Variants in TATDN2 observed in about 807,000 individuals in gnomAD.
The protein encoded by TATDN2 is 3'-5' RNA nuclease TATDN2.
In TATDN2, 44 loss-of-function variants were observed where a neutral mutation model predicts 60.3. The observed-to-expected ratio is 0.73, with a 90% CI of 0.57 to 0.94. TATDN2 has a LOEUF of 0.94. Ranked by LOEUF, TATDN2 falls within the 40% of genes least tolerant of loss-of-function variation. The probability of loss-of-function intolerance (pLI) is 0.00; values close to 1 mark genes in which losing one functional copy is unlikely to be tolerated. For synonymous variants in TATDN2, 399 were observed against 355.8 expected, an observed-to-expected ratio of 1.12 and a Z score of -1.37; for missense variants, 997 against 948.0, an observed-to-expected ratio of 1.05 and a Z score of -0.68.
chr3:10,269,695 T>C (rs779507785), intron 3 of TATDN2, among the ~76,000 whole-genome samples: 20 of 152,082 alleles, frequency 1.3e-4, no homozygotes, highest in Non-Finnish European at 2.4e-4. Flanking sequence ...AGCAAGACCC[T>C]GTCTGAAAAA....
intron 3 of TATDN2, among the ~76,000 whole-genome samples, chr3:10,265,427 A>G (rs1477301782): frequency 6.6e-6 from 1 of 150,544 alleles, no homozygotes; most frequent in Non-Finnish European, 1.5e-5. Flanking sequence ...CATGCCTGTA[A>G]TCCCAGCACT....
chr3:10,249,680 G>A, intron 2 of TATDN2, 66 bp downstream of exon 2: 3 of 1,458,128 alleles, frequency 2.1e-6, no homozygotes, highest in Non-Finnish European at 2.7e-6. Context: ...GTTGGGGATG[G>A]GAATTTTGGT....
chr3:10,269,611 G>A (rs1698527815), intron 3 of TATDN2, among the ~76,000 whole-genome samples: 1 of 152,096 alleles, frequency 6.6e-6, no homozygotes, highest in Admixed American at 6.5e-5. Context: ...TGAGGCAAGA[G>A]GATTACTTGA....
At chr3:10,266,492 C>T (rs760256497) in intron 3 of TATDN2, among the ~76,000 whole-genome samples, 2 of 152,244 alleles carry the variant, frequency 1.3e-5, no homozygotes, top group Non-Finnish European at 2.9e-5. Context: ...CCCTGCCACT[C>T]GAATTAGGAT....
chr3:10,279,192 C>A, intron 7 of TATDN2, 29 bp from the exon 8 acceptor site: 1 of 954,690 alleles, frequency 1.0e-6, no homozygotes. Context: ...TGGTTTGGAA[C>A]CTTCTTCTTT....
chr3:10,269,206 G>A (rs1698521550), intron 3 of TATDN2, among the ~76,000 whole-genome samples: 1 of 152,224 alleles, frequency 6.6e-6, no homozygotes, highest in South Asian at 2.1e-4. Flanking sequence ...CTTACATGGT[G>A]CTTGGCTTGC....
At chr3:10,276,761 G>A (rs2125181902) in intron 5 of TATDN2, among the ~76,000 whole-genome samples, 1 of 152,246 alleles carries the variant, frequency 6.6e-6, no homozygotes, top group African/African-American at 2.4e-5. Context: ...GCTAGTTTTT[G>A]TATTTTAAGT....
rs1698189367 is a variant in TATDN2 at position 10,249,519 on chromosome 3, C to T, written c.319C>T (p.Arg107Trp). ...ASKGCLIRNT[R>W]GFLSSGGSPL... is the part of the protein sequence containing the mutation. Reference sequence around the variant, plus strand: ...CAAAGGCTGCCTGATTCGGAACACTCGGGGGTTCCTGTCTTCAGGGGGATC... The same window carrying T: ...CAAAGGCTGCCTGATTCGGAACACTTGGGGGTTCCTGTCTTCAGGGGGATC... The change falls in exon 2 of 8, where the codon CGG becomes TGG. Residue 107 changes from arginine to tryptophan, a missense_variant. Arg to Trp is a moderately radical substitution (Grantham distance 101, BLOSUM62 -3). Transcript: ENST00000448281. 1 of 1,607,418 alleles carries T rather than the reference C, an allele frequency of 6.2e-7. No homozygotes were observed. Among genetic ancestry groups the T allele is most frequent in the Non-Finnish European group, 8.5e-7 (1 of 1,176,794 alleles).
Position 10,270,846 on chromosome 3 carries a change from A to G in TATDN2, c.1664A>G (p.Asp555Gly). The part of the protein sequence containing the change: ...DCLWEELLKE[D>G]LVWGAFGCHP... Reference sequence around the variant, plus strand: ...CTATGGGAGGAGCTGTTGAAAGAGGATCTGGTCTGGGGGGCCTTTGGCTGT... The same window carrying G: ...CTATGGGAGGAGCTGTTGAAAGAGGGTCTGGTCTGGGGGGCCTTTGGCTGT... The change falls in exon 4 of 8, where the codon GAT (aspartate) becomes GGT (glycine). Residue 555 changes from aspartate to glycine, a missense_variant. By Grantham distance (94) the Asp-to-Gly change is moderately conservative. Coordinates refer to ENST00000448281, the MANE Select transcript of TATDN2 (RefSeq NM_014760.4). 1.2e-6 allele frequency: 2 copies of G among 1,614,172 alleles called. No homozygotes were observed. The highest frequency in any genetic ancestry group is 1.7e-6 in the Non-Finnish European group (2 of 1,180,022).
At chr3:10,258,525 CA>C (rs1343026815) in intron 2 of TATDN2, among the ~76,000 whole-genome samples, 1 of 150,900 alleles carries the variant, frequency 6.6e-6, no homozygotes, top group Non-Finnish European at 1.5e-5. Context: ...GGCTGGAGGG[CA>C]GTGGCACGAT....
At chr3:10,274,897 G>A (rs1315238967) in intron 4 of TATDN2, among the ~76,000 whole-genome samples, 2 of 152,142 alleles carry the variant, frequency 1.3e-5, no homozygotes, top group East Asian at 3.9e-4. Context: ...CTCATTGTTT[G>A]ATGCTGAAAA....
At position 10,270,400 on chromosome 3, in the gene TATDN2, C is replaced by A. The variant is rs916438735; in HGVS notation, c.1218C>A (p.Ala406=). ...CAGGCAGCAGCAGCAACGATGCAGC[C>A]CAGGTTGGGAAGAGCAGCCGGAGCC... ...PSTGSSSNDA[A]QVGKSSRSRM... The change falls in exon 4 of 8, where the codon GCC becomes GCA. Residue 406 remains alanine (A), a synonymous_variant. Coordinates refer to ENST00000448281, the MANE Select transcript of TATDN2 (RefSeq NM_014760.4). 17 of 1,614,042 alleles carry A rather than the reference C, an allele frequency of 1.1e-5. No individual in the cohort carries two copies. The highest frequency in any genetic ancestry group is 1.4e-5 in the Non-Finnish European group (17 of 1,180,038).
At chr3:10,256,139 G>A (rs1698304779) in intron 2 of TATDN2, among the ~76,000 whole-genome samples, 1 of 152,014 alleles carries the variant, frequency 6.6e-6, no homozygotes, top group South Asian at 2.1e-4. Flanking sequence ...TGAGCTCCAG[G>A]AGGCAGACGT....
chr3:10,263,202 A>AT (rs1263923105), intron 3 of TATDN2, among the ~76,000 whole-genome samples: 251 of 134,504 alleles, frequency 1.9e-3, no homozygotes, highest in South Asian at 2.8e-3. Context: ...CCCAACCTGT[A>AT]TTTTTTTTTT....
intron 2 of TATDN2, among the ~76,000 whole-genome samples, chr3:10,251,763 T>C (rs1698235245): frequency 6.6e-6 from 1 of 152,090 alleles, no homozygotes. Context: ...GGCGCAATCA[T>C]GTCTCACTGT....
intron 2 of TATDN2, among the ~76,000 whole-genome samples, chr3:10,257,761 G>C (rs992283765): frequency 1.4e-5 from 2 of 147,454 alleles, no homozygotes; most frequent in Admixed American, 1.4e-4. Flanking sequence ...TCTTCGTGAA[G>C]TTAGCAGCTG....
intron 2 of TATDN2, among the ~76,000 whole-genome samples, chr3:10,252,147 C>CA (rs35469402): frequency 0.39 from 24,539 of 62,716 alleles, 4,580 homozygotes; most frequent in East Asian, 0.79. Flanking sequence ...GACTCAGTCT[C>CA]AAAAAAAAAA....
In TATDN2 at chr3:10,249,321, A is replaced by T. The variant is rs757547001; in HGVS notation, c.121A>T (p.Arg41Trp). ...GGCCCCCTCCAGCCGGCCAGCTCAG[A>T]GGTCTGCGTCGCGTTCTGGAGGGCC... ...DVAPSSRPAQ[R>W]SASRSGGPSS... The change falls in exon 2 of 8, where the codon AGG (arginine) becomes TGG (tryptophan). Residue 41 changes from arginine (R) to tryptophan (W), a missense_variant. Transcript: ENST00000448281. 1.9e-6 allele frequency: 3 copies of T among 1,611,234 alleles called. No homozygotes were observed. The highest frequency in any genetic ancestry group is 8.5e-7 in the Non-Finnish European group (1 of 1,178,194).
chr3:10,257,841 ATTTTTTTTTTTTTTTTTTTT>A (rs553265148), intron 2 of TATDN2, among the ~76,000 whole-genome samples: 2,255 of 30,602 alleles, frequency 0.074, 130 homozygotes, highest in Admixed American at 0.13. Context: ...AAGGTTTATG[ATTTTTTTTTTTTTTTTTTTT>A]TTTTTTTTTT....
Sources: gnomAD v4.1 joint callset for allele counts (sites outside exome capture counted in the v4.1 genomes callset) on GRCh38, gnomAD v4.1.1 for gene constraint, MANE v1.5 for transcripts, NCBI Gene and HGNC (gene_info 2026-07-23, HGNC 2026-07-21) for gene names.